CAMTA1: variants seen among roughly 807,000 people sequenced by gnomAD.
The protein encoded by CAMTA1 is calmodulin binding transcription activator 1, also known as calmodulin-binding transcription activator 1.
In CAMTA1, 27 loss-of-function variants were observed where a neutral mutation model predicts 170.9. The ratio of observed to expected loss-of-function variants is 0.16; its 90% CI spans 0.12 to 0.22. The LOEUF (loss-of-function observed/expected upper bound fraction) is 0.22. CAMTA1 is among the 10% of genes least tolerant of loss of function. The pLI is 1.00. For synonymous variants in CAMTA1, 833 were observed against 891.5 expected (o/e 0.93, Z 1.17); for missense variants, 1,619 against 2,217.2 (o/e 0.73, Z 5.42).
chr1:7,121,147 A>C (rs1644617015), intron 4 of CAMTA1, among the ~76,000 whole-genome samples: 1 of 152,220 alleles, frequency 6.6e-6, no homozygotes, highest in Admixed American at 6.5e-5. Flanking sequence ...ATATGGCATG[A>C]AGCAGAGCTC....
intron 6 of CAMTA1, among the ~76,000 whole-genome samples, chr1:7,488,110 G>A (rs1417230293): frequency 6.6e-6 from 1 of 152,170 alleles, no homozygotes; most frequent in Non-Finnish European, 1.5e-5. Flanking sequence ...AACCTCTCTA[G>A]AATCTCTCTA....
intron 4 of CAMTA1, among the ~76,000 whole-genome samples, chr1:7,222,829 C>T (rs558157714): frequency 1.6e-3 from 244 of 152,350 alleles, no homozygotes; most frequent in African/African-American, 5.7e-3. Flanking sequence ...CGTGCCAGCT[C>T]TGCAGTGGTG....
intron 3 of CAMTA1, among the ~76,000 whole-genome samples, chr1:6,871,323 T>TA (rs1281092151): frequency 6.6e-6 from 1 of 152,230 alleles, no homozygotes; most frequent in African/African-American, 2.4e-5. Context: ...AGAACATTGT[T>TA]ATACTAAATG....
chr1:7,737,568 C>G lies in CAMTA1; in HGVS notation c.3656C>G (p.Pro1219Arg), dbSNP rs751125153. The G allele has an allele frequency of 6.2e-7, 1 of 1,600,720 alleles. No individual in the cohort carries two copies. The highest frequency in any genetic ancestry group is 8.5e-7 in the Non-Finnish European group (1 of 1,172,240). ...KGVTVIASTN[P>R]ELRRPRSEPS... ...GTCACTGTTATTGCAAGCACCAACC[C>G]AGGTAAGAATTCAGAATCATGACAT... The change falls in exon 15 of 23, where the codon CCA becomes CGA. Residue 1219 changes from proline to arginine, a missense_variant and splice_region_variant. Around this residue, in one of 8 missense-constraint regions of CAMTA1, gnomAD observed 370 missense variants for 429.4 expected, o/e 0.86. Transcript: ENST00000303635.
At chr1:7,737,161 C>CA in intron 14 of CAMTA1, 94 bp from the exon 15 acceptor site, 1 of 1,404,732 alleles carries the variant, frequency 7.1e-7, no homozygotes, top group Admixed American at 1.8e-5. Flanking sequence ...AGATTGCCAG[C>CA]AAGGACCAGT....
chr1:7,335,605 C>A (rs7547338), intron 5 of CAMTA1, among the ~76,000 whole-genome samples: 7,659 of 152,156 alleles, frequency 0.05, 398 homozygotes, highest in African/African-American at 0.13. Flanking sequence ...GGGGAGAAAA[C>A]CCAGGCAGGG....
intron 6 of CAMTA1, among the ~76,000 whole-genome samples, chr1:7,525,951 C>A (rs1280678245): frequency 5.3e-5 from 8 of 151,948 alleles, no homozygotes; most frequent in Non-Finnish European, 1.0e-4. Flanking sequence ...GGAAGCCTGG[C>A]AGGGCCAGGA....
intron 4 of CAMTA1, among the ~76,000 whole-genome samples, chr1:7,128,582 T>C (rs1645065473): frequency 6.6e-6 from 1 of 152,198 alleles, no homozygotes. Context: ...GTCAGGCCTT[T>C]TAGCCATGGT....
intron 6 of CAMTA1, among the ~76,000 whole-genome samples, chr1:7,506,956 ACACT>A (rs1212081257): frequency 6.6e-6 from 1 of 151,216 alleles, no homozygotes; most frequent in Middle Eastern, 3.2e-3. Flanking sequence ...AAATTCACAC[ACACT>A]CAAAATTTGC....
At chr1:7,094,042 T>A (rs1445558192) in intron 4 of CAMTA1, among the ~76,000 whole-genome samples, 2 of 152,232 alleles carry the variant, frequency 1.3e-5, no homozygotes, top group Non-Finnish European at 2.9e-5. Flanking sequence ...ACCTGCTGGA[T>A]GCTTTGACTT....
chr1:7,695,410 A>G (rs2096365349), intron 11 of CAMTA1, among the ~76,000 whole-genome samples: 2 of 152,216 alleles, frequency 1.3e-5, no homozygotes, highest in Admixed American at 1.3e-4. Context: ...TCCCAGTAAC[A>G]GAGTGAGTGG....
rs2095361296 is a variant in CAMTA1 at position 7,592,324 on chromosome 1, C to G, written c.511-48076C>G. Among the ~76,000 whole-genome samples the G allele has an allele frequency of 6.6e-6, 1 of 152,198 alleles. No homozygotes were observed. Among genetic ancestry groups the G allele is most frequent in the Non-Finnish European group, 1.5e-5 (1 of 68,046 alleles). ...GCTAGCTCACCGGACTGGCAGCAGA[C>G]AGCATCTGGTCACATCTCTCTCGCC... On this transcript the variant is annotated intron_variant, in intron 6 of 22. Transcript: ENST00000303635. This position sits in a 1 kb window ranked among gnomAD's most constrained non-coding sequence, Gnocchi z 4.6.
At chr1:6,906,962 C>G (rs1299883547) in intron 3 of CAMTA1, among the ~76,000 whole-genome samples, 2 of 152,220 alleles carry the variant, frequency 1.3e-5, no homozygotes, top group East Asian at 3.8e-4. Flanking sequence ...GAGCTGTTGT[C>G]TCTCCCATCC....
chr1:6,884,115 G>T (rs1341996519), intron 3 of CAMTA1, among the ~76,000 whole-genome samples: 1 of 152,050 alleles, frequency 6.6e-6, no homozygotes, highest in Non-Finnish European at 1.5e-5. Context: ...GGAACAAGGA[G>T]GTCGTGGTTC....
At chr1:7,406,023 G>A (rs1474980237) in intron 5 of CAMTA1, among the ~76,000 whole-genome samples, 1 of 152,248 alleles carries the variant, frequency 6.6e-6, no homozygotes, top group Non-Finnish European at 1.5e-5. Context: ...GAGACTCACA[G>A]AACACTCTGG....
chr1:7,602,706 T>C (rs1329091969), intron 6 of CAMTA1, among the ~76,000 whole-genome samples: 4 of 152,248 alleles, frequency 2.6e-5, no homozygotes, highest in Non-Finnish European at 4.4e-5. Context: ...AGCTTTTGAA[T>C]GTGTTTGCTC....
intron 5 of CAMTA1, among the ~76,000 whole-genome samples, chr1:7,460,078 TGG>T (rs1472433917): frequency 1.3e-5 from 2 of 152,252 alleles, no homozygotes; most frequent in Admixed American, 1.3e-4. Context: ...CCGCTCACTG[TGG>T]GTCCCTTAGG....
rs1157465828 is a variant in CAMTA1 at position 7,093,520 on chromosome 1, G to A, written c.302+2149G>A. ...CAGAGAGGGAGCTTCTCTGGAATGC[G>A]TCCTGGGCCAGACATCTGATTTCAG... On this transcript the variant is annotated intron_variant, in intron 4 of 22. Coordinates refer to ENST00000303635, the MANE Select transcript of CAMTA1 (RefSeq NM_015215.4). The surrounding 1 kb of genome is among the most constrained non-coding windows in gnomAD (Gnocchi z 4.6). Among the ~76,000 whole-genome samples the A allele has an allele frequency of 4.6e-5, 7 of 152,300 alleles. No individual in the cohort carries two copies. The highest frequency in any genetic ancestry group is 1.9e-4 in the East Asian group (1 of 5,180).
At chr1:7,490,677 C>T (rs570915498) in intron 6 of CAMTA1, among the ~76,000 whole-genome samples, 2 of 152,138 alleles carry the variant, frequency 1.3e-5, no homozygotes, top group South Asian at 4.1e-4. Flanking sequence ...ACAAAGCAGC[C>T]CCTCTGCCAG....
Sources: gnomAD v4.1 joint callset for allele counts (sites outside exome capture counted in the v4.1 genomes callset) on GRCh38, gnomAD v4.1.1 for gene constraint, gnomAD v4.1.1 regional missense constraint, Gnocchi (gnomAD v3.1) non-coding constraint, MANE v1.5 for transcripts, NCBI Gene and HGNC (gene_info 2026-07-23, HGNC 2026-07-21) for gene names.